Variants in ZNF226 observed in about 807,000 individuals in gnomAD.
ZNF226 encodes zinc finger protein 226.
A neutral mutation model predicts 11.4 loss-of-function variants in ZNF226; 6 were observed. The observed-to-expected ratio is 0.53, with a 90% CI of 0.29 to 1.04. The LOEUF is 1.04. Among genes scored for constraint, ZNF226 ranks in the 50% least tolerant of loss-of-function variants. The pLI is 0.08. For synonymous variants in ZNF226, 350 were observed against 322.8 expected (o/e 1.08, Z -0.90); for missense variants, 1,058 against 956.5 (o/e 1.11, Z -1.40).
Position 44,176,382 on chromosome 19 carries a change from CA to C in ZNF226, c.1121del (p.Gln374ArgfsTer113). 6.2e-7 allele frequency: 1 copy of C among 1,614,064 alleles called. No individual in the cohort carries two copies. The highest frequency in any genetic ancestry group is 8.5e-7 in the Non-Finnish European group (1 of 1,179,986). On this transcript the variant is annotated frameshift_variant, in exon 6 of 6. Transcript: ENST00000337433. LOFTEE classifies it low-confidence loss of function (END_TRUNC). ...NCEECGRAFSQASHLQDHQRL... is the reference protein window; with the variant it reads ...NCEECGRAFSXASHLQDHQRL... ...TGAGGAGTGTGGGAGGGCCTTCAGT[CA>C]GGCCTCTCATCTTCAGGACCATCAG...
chr19:44,179,649 A>G (rs1205064664), downstream of ZNF226, among the ~76,000 whole-genome samples: 1 of 152,196 alleles, frequency 6.6e-6, no homozygotes, highest in Non-Finnish European at 1.5e-5. Context: ...TTCTTGACAG[A>G]CTTACTCACT....
chr19:44,172,731 G>A, intron 4 of ZNF226, 129 bp from the exon 5 acceptor site: 2 of 704,192 alleles, frequency 2.8e-6, no homozygotes, highest in Non-Finnish European at 2.4e-6. Flanking sequence ...CTTTACTGAA[G>A]TCACAATTTA....
Position 44,177,543 on chromosome 19 carries a change from G to A in ZNF226, c.2281G>A (p.Gly761Ser), listed in dbSNP as rs768164684. The A allele has an allele frequency of 2.5e-6, 4 of 1,613,916 alleles. No homozygotes were observed. Among genetic ancestry groups the A allele is most frequent in the Admixed American group, 3.3e-5 (2 of 59,998 alleles). ...GEKPYKCEIC[G>S]KSFSWRSNLT... ...GAAACCTTATAAATGTGAGATATGT[G>A]GTAAGAGCTTCAGTTGGCGATCAAA... Residue 761 changes from glycine to serine, a missense_variant, in exon 6 of 6, where the codon GGT becomes AGT. Gly to Ser is a moderately conservative substitution (Grantham distance 56). Transcript: ENST00000337433.
intron 2 of ZNF226, among the ~76,000 whole-genome samples, chr19:44,168,041 T>C (rs1969606180): frequency 6.6e-6 from 1 of 152,200 alleles, no homozygotes; most frequent in Non-Finnish European, 1.5e-5. Context: ...GAGTTGTCAC[T>C]GATAACAAAG....
downstream of ZNF226, among the ~76,000 whole-genome samples, chr19:44,183,328 C>CT (rs1310572659): frequency 1.3e-5 from 2 of 152,160 alleles, no homozygotes; most frequent in African/African-American, 4.8e-5. Flanking sequence ...AACTCATCCT[C>CT]TGATTATTTC....
intron 5 of ZNF226, chr19:44,175,112 A>C: frequency 6.3e-7 from 1 of 1,574,898 alleles, no homozygotes; most frequent in Non-Finnish European, 8.6e-7. Context: ...ATATGCATAC[A>C]TTCCTTGAGT....
chr19:44,182,789 C>A (rs1970926788), downstream of ZNF226, among the ~76,000 whole-genome samples: 1 of 152,102 alleles, frequency 6.6e-6, no homozygotes, highest in African/African-American at 2.4e-5. Flanking sequence ...GCGTTTATCA[C>A]AATGATCAGC....
In ZNF226 at chr19:44,177,424, A is replaced by G. The variant is rs770968083; in HGVS notation, c.2162A>G (p.His721Arg). 15 of 1,614,224 alleles carry G rather than the reference A, an allele frequency of 9.3e-6. No individual in the cohort carries two copies. Among genetic ancestry groups the G allele is most frequent in the Non-Finnish European group, 1.2e-5 (14 of 1,180,028 alleles). The change falls in exon 6 of 6, where the codon CAC becomes CGC. Residue 721 changes from histidine to arginine, a missense_variant. Transcript: ENST00000337433. ...ASSLQLHQSV[H>R]TGEKPYKCDV... ...AGTCTTCAACTTCATCAGAGTGTCCACACAGGAGAGAAACCATACAAATGT... is the reference window on the plus strand; with the variant it reads ...AGTCTTCAACTTCATCAGAGTGTCCGCACAGGAGAGAAACCATACAAATGT...
chr19:44,193,527 T>C, the ZNF226 span, among the ~76,000 whole-genome samples: 1 of 152,208 alleles, frequency 6.6e-6, no homozygotes, highest in Non-Finnish European at 1.5e-5. Context: ...TATAGCATTT[T>C]AGTTTTTGAA....
intron 4 of ZNF226, 72 bp from the exon 5 acceptor site, chr19:44,172,788 T>A: frequency 7.8e-7 from 1 of 1,279,542 alleles, no homozygotes; most frequent in South Asian, 1.4e-5. Context: ...AATGTGCAGT[T>A]GCAACTCAGA....
chr19:44,188,476 T>A, the ZNF226 span, among the ~76,000 whole-genome samples: 1 of 152,196 alleles, frequency 6.6e-6, no homozygotes, highest in Non-Finnish European at 1.5e-5. Context: ...TAATGACTAT[T>A]TGCATGGTAT....
At chr19:44,188,046 T>G in the ZNF226 span, among the ~76,000 whole-genome samples, 1 of 152,158 alleles carries the variant, frequency 6.6e-6, no homozygotes, top group African/African-American at 2.4e-5. Context: ...TAGCCTAACA[T>G]GGTCTATCTT....
At chr19:44,198,492 T>C in the ZNF226 span, among the ~76,000 whole-genome samples, 1 of 152,254 alleles carries the variant, frequency 6.6e-6, no homozygotes, top group East Asian at 1.9e-4. Flanking sequence ...ATATGTGTCA[T>C]GATTGTTTAA....
At chr19:44,194,554 C>T in the ZNF226 span, among the ~76,000 whole-genome samples, 3 of 152,214 alleles carry the variant, frequency 2.0e-5, no homozygotes, top group Non-Finnish European at 2.9e-5. Flanking sequence ...GCTGGGATTA[C>T]AGGCACAAGC....
At chr19:44,186,210 T>C in the ZNF226 span, among the ~76,000 whole-genome samples, 1 of 152,024 alleles carries the variant, frequency 6.6e-6, no homozygotes, top group East Asian at 1.9e-4. Flanking sequence ...ATACAAATTT[T>C]AGAATTTTTT....
chr19:44,170,741 T>A (rs1386965076), intron 3 of ZNF226, among the ~76,000 whole-genome samples: 4 of 151,618 alleles, frequency 2.6e-5, no homozygotes, highest in Admixed American at 6.6e-5. Flanking sequence ...CTCAAAAAAA[T>A]AAATAAATAA....
intron 5 of ZNF226, chr19:44,173,230 C>G: frequency 1.9e-6 from 1 of 525,040 alleles, no homozygotes; most frequent in Non-Finnish European, 3.3e-6. Flanking sequence ...CTTAATGTGG[C>G]TGACAGAGTC....
chr19:44,169,216 C>T (rs964553883), intron 2 of ZNF226, among the ~76,000 whole-genome samples: 1 of 151,940 alleles, frequency 6.6e-6, no homozygotes, highest in African/African-American at 2.4e-5. Flanking sequence ...TCTTGTTGGC[C>T]AGGCTTGTCT....
At chr19:44,184,642 A>G in the ZNF226 span, among the ~76,000 whole-genome samples, 2 of 152,156 alleles carry the variant, frequency 1.3e-5, no homozygotes, top group Non-Finnish European at 2.9e-5. Context: ...CCTGTTCCAA[A>G]GTGAAGAGCA....
Sources: allele counts gnomAD v4.1 joint callset (sites outside exome capture counted in the v4.1 genomes callset), GRCh38; gene constraint gnomAD v4.1.1; transcripts MANE v1.5; gene names NCBI Gene and HGNC (gene_info 2026-07-23, HGNC 2026-07-21).